AGTR1: variants seen among roughly 807,000 people sequenced by gnomAD.
AGTR1 encodes angiotensin II receptor type 1.
AGTR1 carries 16 observed loss-of-function variants against 19.4 expected under a neutral mutation model. The observed-to-expected ratio is 0.82, with a 90% CI of 0.56 to 1.25. The LOEUF (loss-of-function observed/expected upper bound fraction) is 1.25, where lower values mean the gene tolerates loss of function less well. AGTR1 is among the 50% of genes most tolerant of loss of function. The pLI is 0.00. For synonymous variants in AGTR1, 153 were observed against 154.9 expected, an observed-to-expected ratio of 0.99 and a Z score of 0.09; for missense variants, 373 against 431.9, an observed-to-expected ratio of 0.86 and a Z score of 1.21.
At chr3:148,718,091 C>G (rs1455116546) in intron 2 of AGTR1, among the ~76,000 whole-genome samples, 1 of 152,128 alleles carries the variant, frequency 6.6e-6, no homozygotes, top group South Asian at 2.1e-4. Context: ...CACTAGACGT[C>G]CTTATGCTTT....
chr3:148,706,213 A>AT (rs34399754), intron 1 of AGTR1, among the ~76,000 whole-genome samples: 6,965 of 150,956 alleles, frequency 0.046, 522 homozygotes, highest in African/African-American at 0.16. Context: ...CCTTTCTGTC[A>AT]TTTTTTTTTC....
intron 2 of AGTR1, among the ~76,000 whole-genome samples, chr3:148,715,198 C>T (rs1433012855): frequency 1.3e-5 from 2 of 152,256 alleles, no homozygotes; most frequent in South Asian, 2.1e-4. Context: ...ACTATCCTCA[C>T]TTTGTGTTAT....
At chr3:148,723,709 A>G (rs13071674) in intron 2 of AGTR1, among the ~76,000 whole-genome samples, 1 of 152,244 alleles carries the variant, frequency 6.6e-6, no homozygotes, top group Non-Finnish European at 1.5e-5. Flanking sequence ...AGTCAGGCAC[A>G]TCTCACGAAG....
At chr3:148,727,249 T>C (rs1451457122) in intron 2 of AGTR1, among the ~76,000 whole-genome samples, 3 of 152,198 alleles carry the variant, frequency 2.0e-5, no homozygotes, top group African/African-American at 7.2e-5. Flanking sequence ...TCTCTCTTTC[T>C]CTCTTCTCTC....
intron 2 of AGTR1, among the ~76,000 whole-genome samples, chr3:148,735,863 T>C (rs1714545824): frequency 6.6e-6 from 1 of 152,196 alleles, no homozygotes; most frequent in African/African-American, 2.4e-5. Context: ...AACAGGATGG[T>C]TTATTGAGCT....
At chr3:148,724,027 G>A (rs894395979) in intron 2 of AGTR1, among the ~76,000 whole-genome samples, 12 of 152,090 alleles carry the variant, frequency 7.9e-5, no homozygotes, top group African/African-American at 2.9e-4. Flanking sequence ...GAAGAGTTCT[G>A]TTAGGTTCCA....
chr3:148,737,303 A>T (rs529185837), intron 2 of AGTR1, among the ~76,000 whole-genome samples: 9 of 152,134 alleles, frequency 5.9e-5, no homozygotes, highest in Non-Finnish European at 1.3e-4. Context: ...AAGGAGGGCA[A>T]AGTTCAAGTG....
chr3:148,722,164 G>A (rs1358112929), intron 2 of AGTR1, among the ~76,000 whole-genome samples: 1 of 152,160 alleles, frequency 6.6e-6, no homozygotes, highest in African/African-American at 2.4e-5. Flanking sequence ...ATGCGAAGAA[G>A]CTGGAAAGTA....
intron 2 of AGTR1, among the ~76,000 whole-genome samples, chr3:148,723,930 T>C (rs1388998983): frequency 6.6e-6 from 1 of 152,204 alleles, no homozygotes; most frequent in African/African-American, 2.4e-5. Context: ...TTTCTGGGGC[T>C]TGGAGTCTCG....
chr3:148,723,927 G>A (rs781494469), intron 2 of AGTR1, among the ~76,000 whole-genome samples: 15 of 152,098 alleles, frequency 9.9e-5, no homozygotes, highest in Non-Finnish European at 1.8e-4. Context: ...ATCTTTCTGG[G>A]GCTTGGAGTC....
intron 2 of AGTR1, among the ~76,000 whole-genome samples, chr3:148,709,617 G>C (rs760428181): frequency 1.3e-5 from 2 of 152,042 alleles, no homozygotes; most frequent in African/African-American, 2.4e-5. Flanking sequence ...ATATTAATTA[G>C]CAACTTTGCC....
intron 1 of AGTR1, among the ~76,000 whole-genome samples, chr3:148,698,923 G>A (rs1020169260): frequency 2.6e-5 from 4 of 151,692 alleles, no homozygotes; most frequent in Non-Finnish European, 4.4e-5. Context: ...TCTCCATAGT[G>A]CCAGCCTGCT....
intron 2 of AGTR1, chr3:148,739,805 G>C (rs1714772085): frequency 8.1e-7 from 1 of 1,231,672 alleles, no homozygotes. Flanking sequence ...CCCAGGGCAT[G>C]CCATTGCAAG....
chr3:148,708,857 TC>T (rs1345998442), intron 2 of AGTR1, among the ~76,000 whole-genome samples: 1 of 152,186 alleles, frequency 6.6e-6, no homozygotes, highest in Non-Finnish European at 1.5e-5. Flanking sequence ...GAGTAGCTTG[TC>T]CTATTCTGAA....
In AGTR1 at chr3:148,742,380, T is replaced by C; in HGVS notation, c.*265T>C. On this transcript the variant is annotated 3_prime_UTR_variant, in exon 3 of 3. Transcript: ENST00000349243. ...GTCAGAAACTCGATGAATGTGTTGA[T>C]TTGAGAAATTTTACTGACAGAAATG... The C allele has an allele frequency of 1.1e-5, 6 of 545,686 alleles. No homozygotes were observed. In the South Asian group the frequency reaches 1.2e-4, roughly 11 times the overall value. 33.8% of individuals were successfully genotyped at this position (545,686 alleles called of 1,614,324 possible). A position where few individuals can be genotyped will look rare whatever the true frequency, so the allele number is the denominator to read the frequency against.
rs1226161583 is a variant in AGTR1 at position 148,741,636 on chromosome 3, A to C, written c.601A>C (p.Ile201Leu). 1 of 1,614,004 alleles carries C rather than the reference A, an allele frequency of 6.2e-7. No individual in the cohort carries two copies. The highest frequency in any genetic ancestry group is 8.5e-7 in the Non-Finnish European group (1 of 1,180,022). The change falls in exon 3 of 3, where the codon ATA (isoleucine) becomes CTA (leucine). Residue 201 changes from isoleucine to leucine, a missense_variant. By Grantham distance (5) the Ile-to-Leu change is conservative. Transcript: ENST00000349243. ...GATAGGGCTGGGCCTGACCAAAAAT[A>C]TACTGGGTTTCCTGTTTCCTTTTCT... ...LPIGLGLTKN[I>L]LGFLFPFLII...
At chr3:148,737,188 T>C (rs1714615462) in intron 2 of AGTR1, among the ~76,000 whole-genome samples, 1 of 152,184 alleles carries the variant, frequency 6.6e-6, no homozygotes, top group Non-Finnish European at 1.5e-5. Flanking sequence ...CCCTCCCATC[T>C]AGAAATGCCC....
intron 2 of AGTR1, among the ~76,000 whole-genome samples, chr3:148,715,353 TTCTC>T (rs1713235719): frequency 6.6e-6 from 1 of 152,172 alleles, no homozygotes; most frequent in Non-Finnish European, 1.5e-5. Flanking sequence ...GACTAATAGT[TTCTC>T]TCCTGTTAAT....
chr3:148,715,362 G>A (rs1713236136), intron 2 of AGTR1, among the ~76,000 whole-genome samples: 2 of 152,126 alleles, frequency 1.3e-5, no homozygotes, highest in Admixed American at 6.6e-5. Context: ...TTTCTCTCCT[G>A]TTAATTTGAT....
Sources: gnomAD v4.1 joint callset for allele counts (sites outside exome capture counted in the v4.1 genomes callset) on GRCh38, gnomAD v4.1.1 for gene constraint, MANE v1.5 for transcripts, NCBI Gene and HGNC (gene_info 2026-07-23, HGNC 2026-07-21) for gene names.